MPRIP: variants seen among roughly 807,000 people sequenced by gnomAD.
MPRIP encodes myosin phosphatase Rho interacting protein.
MPRIP carries 59 observed loss-of-function variants against 234.9 expected under a neutral mutation model. The ratio of observed to expected loss-of-function variants is 0.25; its 90% CI spans 0.20 to 0.31. The LOEUF (loss-of-function observed/expected upper bound fraction) is 0.31. Among genes scored for constraint, MPRIP ranks in the 10% least tolerant of loss-of-function variants. The pLI is 1.00. For missense variants in MPRIP, 2,436 were observed against 3,071.0 expected (o/e 0.79, Z 4.89); for synonymous variants, 1,144 against 1,263.9 (o/e 0.91, Z 2.01).
intron 2 of MPRIP, 105 bp from the exon 3 acceptor site, chr17:17,077,906 T>C: frequency 9.2e-7 from 1 of 1,082,338 alleles, no homozygotes; most frequent in Non-Finnish European, 1.4e-6. Flanking sequence ...ATCTGTGGAG[T>C]GACCTTCCTT....
intron 3 of MPRIP, among the ~76,000 whole-genome samples, chr17:17,115,665 C>T (rs1290654180): frequency 6.6e-6 from 1 of 152,220 alleles, no homozygotes; most frequent in Non-Finnish European, 1.5e-5. Flanking sequence ...CCCTGCATCC[C>T]TTAGCTGCCA....
chr17:17,112,868 G>A (rs1348605275), intron 3 of MPRIP, among the ~76,000 whole-genome samples: 1 of 152,218 alleles, frequency 6.6e-6, no homozygotes, highest in African/African-American at 2.4e-5. Context: ...GGCCTTGGGA[G>A]AGGCTAGGCA....
intron 11 of MPRIP, among the ~76,000 whole-genome samples, chr17:17,148,135 T>C (rs1349137494): frequency 1.3e-5 from 2 of 152,182 alleles, no homozygotes; most frequent in Non-Finnish European, 2.9e-5. Context: ...AGCCAGTCTT[T>C]ACAGACTGAA....
At chr17:17,159,216 G>T (rs1036348186) in intron 14 of MPRIP, among the ~76,000 whole-genome samples, 4 of 152,254 alleles carry the variant, frequency 2.6e-5, no homozygotes, top group Non-Finnish European at 5.9e-5. Flanking sequence ...CAGGGAAAGG[G>T]GCCTTCCAGG....
rs2089395329 is a variant in MPRIP at position 17,078,795 on chromosome 17, C to CT, written c.267+720dup. Among the ~76,000 whole-genome samples, 1 of 152,200 alleles carries CT rather than the reference C, an allele frequency of 6.6e-6. No individual in the cohort carries two copies. Among genetic ancestry groups the CT allele is most frequent in the South Asian group, 2.1e-4 (1 of 4,832 alleles). On this transcript the variant is annotated intron_variant, in intron 3 of 23. Coordinates refer to ENST00000651222, the MANE Select transcript of MPRIP (RefSeq NM_001364716.4). The surrounding 1 kb of genome is among the most constrained non-coding windows in gnomAD (Gnocchi z 4.3). ...AGGAGATTAGTCTCTCCTAATTAAT[C>CT]TAAAGTAGGACTGCATTCCAAACTT... is the stretch of plus-strand genomic sequence containing the variant.
chr17:17,159,246 T>G (rs1002373499), intron 14 of MPRIP, among the ~76,000 whole-genome samples: 1 of 152,152 alleles, frequency 6.6e-6, no homozygotes, highest in Non-Finnish European at 1.5e-5. Context: ...ATTCTTCCGA[T>G]GGTGGGGGCC....
At chr17:17,128,263 G>A (rs2090531444) in intron 4 of MPRIP, among the ~76,000 whole-genome samples, 1 of 152,208 alleles carries the variant, frequency 6.6e-6, no homozygotes, top group Non-Finnish European at 1.5e-5. Context: ...CAGGGAGGGT[G>A]TGGGTAACAG....
At chr17:17,182,579 G>C (rs1390305700) in intron 23 of MPRIP, 1 of 152,286 alleles carries the variant, frequency 6.6e-6, no homozygotes, top group African/African-American at 2.4e-5. Context: ...ACAGCCTCCT[G>C]CAGCCAGTGT....
rs926011163 is a variant in MPRIP at position 17,167,313 on chromosome 17, A to G, written c.5722A>G (p.Ile1908Val). 1.6e-5 allele frequency: 21 copies of G among 1,303,894 alleles called. No homozygotes were observed. In the East Asian group the frequency reaches 6.7e-4, roughly 41 times the overall value. The allele number at this position is 1,303,894 out of a possible 1,614,324, so 80.8% of individuals were successfully genotyped here. A position where few individuals can be genotyped will look rare whatever the true frequency, so the allele number is the denominator to read the frequency against. The change falls in exon 16 of 24, where the codon ATT (isoleucine) becomes GTT (valine). Residue 1908 changes from isoleucine to valine, a missense_variant. Around this residue, in one of 4 missense-constraint regions of MPRIP, gnomAD observed 1,998 missense variants for 2,520.3 expected, o/e 0.79. Coordinates refer to ENST00000651222, the MANE Select transcript of MPRIP (RefSeq NM_001364716.4). This position sits in a 1 kb window ranked among gnomAD's most constrained non-coding sequence, Gnocchi z 5.9. ...QKSEYLDVIA[I>V]VERENAELKA... ...GAGCGAGTACCTGGATGTGATCGCCATTGTTGAAAGGGAGAATGCAGAGCT... is the reference window on the plus strand; with the variant it reads ...GAGCGAGTACCTGGATGTGATCGCCGTTGTTGAAAGGGAGAATGCAGAGCT...
At chr17:17,045,179 C>T (rs1415567425) in intron 1 of MPRIP, among the ~76,000 whole-genome samples, 5 of 152,322 alleles carry the variant, frequency 3.3e-5, no homozygotes, top group Non-Finnish European at 7.3e-5. Flanking sequence ...ACATCAGCCA[C>T]CATCGAGGCC....
At chr17:17,176,287 T>C (rs2046251126) in intron 20 of MPRIP, 139 bp from the exon 21 acceptor site, 1 of 689,538 alleles carries the variant, frequency 1.5e-6, no homozygotes. Context: ...GTTTAAACGA[T>C]GCTTGCCCGC....
chr17:17,063,827 G>A (rs542414618), intron 1 of MPRIP, among the ~76,000 whole-genome samples: 1 of 152,350 alleles, frequency 6.6e-6, no homozygotes, highest in South Asian at 2.1e-4. Context: ...ACCTGTGCAC[G>A]TCTGAGACGC....
chr17:17,136,497 T>A (rs1462394146), intron 6 of MPRIP, 47 bp downstream of exon 6: 1 of 1,546,498 alleles, frequency 6.5e-7, no homozygotes, highest in South Asian at 1.2e-5. Context: ...TGGCCCTCCC[T>A]CCCATCAGAG....
chr17:17,126,941 A>G, intron 4 of MPRIP, 88 bp downstream of exon 4: 27 of 1,493,640 alleles, frequency 1.8e-5, no homozygotes, highest in Non-Finnish European at 2.4e-5. Flanking sequence ...GGCAGTGTCG[A>G]TGTTGTCTAC....
chr17:17,101,579 T>A (rs990703990), intron 3 of MPRIP, among the ~76,000 whole-genome samples: 53 of 149,504 alleles, frequency 3.5e-4, no homozygotes, highest in Admixed American at 1.3e-3. Context: ...TCAAAAAAAA[T>A]TTTTTTTAAA....
chr17:17,179,655 A>C, intron 22 of MPRIP: 1 of 196,758 alleles, frequency 5.1e-6, no homozygotes, highest in East Asian at 1.7e-4. Flanking sequence ...AAGGTAGAGA[A>C]TCATGGATAA....
intron 3 of MPRIP, among the ~76,000 whole-genome samples, chr17:17,104,349 G>A (rs1567717122): frequency 6.6e-6 from 1 of 152,236 alleles, no homozygotes; most frequent in South Asian, 2.1e-4. Flanking sequence ...GGGTGCTGCT[G>A]CATAGAACCT....
In MPRIP at chr17:17,150,248, G is replaced by A. The variant is rs202086832; in HGVS notation, c.1719+15G>A. On this transcript the variant is annotated intron_variant, in intron 12 of 23. Transcript: ENST00000651222. ...TCCAGATACATGTGAGTCCAGGGATGGAAGTGGGGCCACAGGCTTGACAGG... is the reference window on the plus strand; with the variant it reads ...TCCAGATACATGTGAGTCCAGGGATAGAAGTGGGGCCACAGGCTTGACAGG... 145 of 1,589,322 alleles carry A rather than the reference G, an allele frequency of 9.1e-5. No individual in the cohort carries two copies. Among genetic ancestry groups the A allele is most frequent in the South Asian group, 8.0e-4 (72 of 90,364 alleles).
chr17:17,168,820 C>T (rs1244633599), intron 16 of MPRIP: 1 of 456,540 alleles, frequency 2.2e-6, no homozygotes, highest in Non-Finnish European at 4.4e-6. Context: ...CTTCCACGCT[C>T]ATGTGGCAGA....
Sources: gnomAD v4.1 joint callset for allele counts (sites outside exome capture counted in the v4.1 genomes callset) on GRCh38, gnomAD v4.1.1 for gene constraint, gnomAD v4.1.1 regional missense constraint, Gnocchi (gnomAD v3.1) non-coding constraint, MANE v1.5 for transcripts, NCBI Gene and HGNC (gene_info 2026-07-23, HGNC 2026-07-21) for gene names.